Variants in HSPG2 observed in about 807,000 individuals in gnomAD.
HSPG2 encodes heparan sulfate proteoglycan 2, also known as basement membrane-specific heparan sulfate proteoglycan core protein.
Under a neutral mutation model 526.6 loss-of-function variants are expected in HSPG2, and 278 were observed. The observed-to-expected ratio is 0.53, with a 90% CI of 0.48 to 0.58. The LOEUF (loss-of-function observed/expected upper bound fraction) is 0.58, where lower values mean the gene tolerates loss of function less well. Among genes scored for constraint, HSPG2 ranks in the 20% least tolerant of loss-of-function variants. The pLI, the probability that HSPG2 is intolerant of heterozygous loss-of-function variation, is 0.00. For synonymous variants in HSPG2, 2,465 were observed against 2,555.4 expected (o/e 0.96, Z 1.07); for missense variants, 5,354 against 6,099.5 (o/e 0.88, Z 4.07).
intron 49 of HSPG2, 76 bp downstream of exon 49, chr1:21,854,535 G>T: frequency 6.7e-7 from 1 of 1,487,510 alleles, no homozygotes; most frequent in Non-Finnish European, 9.1e-7. Context: ...CGCCTCCCCC[G>T]CCCAGCGTAC....
chr1:21,827,937 G>T lies in HSPG2; in HGVS notation c.12533-18C>A, dbSNP rs1159647588. On this transcript the variant is annotated intron_variant, in intron 90 of 96. Coordinates refer to ENST00000374695, the MANE Select transcript of HSPG2 (RefSeq NM_005529.7). The stretch of plus-strand genomic sequence containing the variant: ...TCCAGAGCCTATGGAGAAGGGCAGG[G>T]TCCAGTTGGTGGGCATAGACACCCG... 7.5e-6 allele frequency: 12 copies of T among 1,606,464 alleles called. No homozygotes were observed. The highest frequency in any genetic ancestry group is 1.0e-5 in the Non-Finnish European group (12 of 1,176,876).
At chr1:21,932,284 C>T (rs893663864) in intron 1 of HSPG2, among the ~76,000 whole-genome samples, 1 of 152,186 alleles carries the variant, frequency 6.6e-6, no homozygotes, top group Admixed American at 6.5e-5. Flanking sequence ...TGGGGCAGTA[C>T]GTGGCGTGAT....
At chr1:21,885,487 C>G (rs767148030) in intron 9 of HSPG2, 36 bp from the exon 10 acceptor site, 1 of 1,612,608 alleles carries the variant, frequency 6.2e-7, no homozygotes, top group Non-Finnish European at 8.5e-7. Context: ...AATAGCCCAC[C>G]CCGTCCATCC....
At chr1:21,840,885 C>T (rs765568280) in intron 71 of HSPG2, among the ~76,000 whole-genome samples, 10 of 152,174 alleles carry the variant, frequency 6.6e-5, no homozygotes, top group Non-Finnish European at 1.5e-4. Context: ...CTTCGACCCA[C>T]CCTCCCACTC....
At chr1:21,863,229 C>T (rs1383933112) in intron 37 of HSPG2, among the ~76,000 whole-genome samples, 8 of 150,476 alleles carry the variant, frequency 5.3e-5, no homozygotes, top group Middle Eastern at 3.5e-3. Flanking sequence ...AAAAATTAGC[C>T]GGGTGTGGTA....
chr1:21,824,300 A>C lies in HSPG2; in HGVS notation c.12815+6T>G. 1 of 1,613,702 alleles carries C rather than the reference A, an allele frequency of 6.2e-7. No homozygotes were observed. The highest frequency in any genetic ancestry group is 8.5e-7 in the Non-Finnish European group (1 of 1,179,870). ...GGGAGAGGAAGGGCCAGGTGCCAGG[A>C]CCTACCTGAAGACAAGGTGCCCGTC... On this transcript the variant is annotated splice_donor_region_variant and intron_variant, in intron 94 of 96. Coordinates refer to ENST00000374695, the MANE Select transcript of HSPG2 (RefSeq NM_005529.7). The surrounding 1 kb of genome is among the most constrained non-coding windows in gnomAD (Gnocchi z 5.9).
chr1:21,840,064 G>A (rs776698820), intron 71 of HSPG2, 47 bp from the exon 72 acceptor site: 10 of 1,523,726 alleles, frequency 6.6e-6, no homozygotes, highest in South Asian at 5.6e-5. Flanking sequence ...CAGTGGGGAC[G>A]CTGATGTCAG....
intron 1 of HSPG2, among the ~76,000 whole-genome samples, chr1:21,901,141 G>A (rs1029689565): frequency 6.6e-6 from 1 of 152,008 alleles, no homozygotes; most frequent in Admixed American, 6.6e-5. Flanking sequence ...TGAGGCTTTC[G>A]GTCAAGAAAC....
chr1:21,839,715 A>G lies in HSPG2; in HGVS notation c.9709+107T>C. 2 of 1,414,772 alleles carry G rather than the reference A, an allele frequency of 1.4e-6. No homozygotes were observed. Among genetic ancestry groups the G allele is most frequent in the Non-Finnish European group, 2.0e-6 (2 of 1,024,190 alleles). The allele number at this position is 1,414,772 out of a possible 1,614,324, so 87.6% of individuals were successfully genotyped here. On this transcript the variant is annotated intron_variant, in intron 72 of 96. Coordinates refer to ENST00000374695, the MANE Select transcript of HSPG2 (RefSeq NM_005529.7). This position sits in a 1 kb window ranked among gnomAD's most constrained non-coding sequence, Gnocchi z 4.5. ...GATGCTAGCAACACGGTCTCCCCGT[A>G]CTCCCCACCCCTGGGCATGACATCA... is the stretch of plus-strand genomic sequence containing the variant.
rs768381665 is a variant in HSPG2 at position 21,839,360 on chromosome 1, T to A, written c.9889+11A>T. 1 of 1,610,118 alleles carries A rather than the reference T, an allele frequency of 6.2e-7. No individual in the cohort carries two copies. The highest frequency in any genetic ancestry group is 1.1e-5 in the South Asian group (1 of 91,070). ...CCATTTGGTGCAGACAAAGAAGGGA[T>A]GAGGCCTTACTCTCCACGTGCAGGA... On this transcript the variant is annotated intron_variant, in intron 73 of 96. Coordinates refer to ENST00000374695, the MANE Select transcript of HSPG2 (RefSeq NM_005529.7). The surrounding 1 kb of genome is among the most constrained non-coding windows in gnomAD (Gnocchi z 4.5).
In HSPG2 at chr1:21,916,273, G is replaced by A. The variant is rs912758587; in HGVS notation, c.64-19963C>T. 2.6e-5 allele frequency among the ~76,000 whole-genome samples: 4 copies of A among 152,058 alleles called. No homozygotes were observed. In the South Asian group the frequency reaches 6.2e-4, roughly 24 times the overall value. ...TCCCAGCACTTTGGGAGACCGAGGC[G>A]GGTGGATCATGAGGTCAGGAGATCG... On this transcript the variant is annotated intron_variant, in intron 1 of 96. Coordinates refer to ENST00000374695, the MANE Select transcript of HSPG2 (RefSeq NM_005529.7).
chr1:21,859,173 C>T lies in HSPG2; in HGVS notation c.5293+393G>A, dbSNP rs138311108. ...AGCAATTCTCCTGCCTCAGTTCTCC[C>T]GAGTAGCTGGGATTATAGGTGTGTA... On this transcript the variant is annotated intron_variant, in intron 42 of 96. Transcript: ENST00000374695. The surrounding 1 kb of genome is among the most constrained non-coding windows in gnomAD (Gnocchi z 5.3). Among the ~76,000 whole-genome samples, 1,043 of 152,152 alleles carry T rather than the reference C, an allele frequency of 6.9e-3. 9 individuals carry two copies. Among genetic ancestry groups the T allele is most frequent in the South Asian group, 0.013 (65 of 4,816 alleles).
rs928581024 is a variant in HSPG2, at chr1:21,893,682, G to A, written c.244+2240C>T. ...CCTGAGCCTGCAGAGTAGAGACAGA[G>A]AAGGAGGCAAGAAGGGACATTGACA... On this transcript the variant is annotated intron_variant, in intron 3 of 96. Transcript: ENST00000374695. This position sits in a 1 kb window ranked among gnomAD's most constrained non-coding sequence, Gnocchi z 4.3. 4.6e-5 allele frequency among the ~76,000 whole-genome samples: 7 copies of A among 152,104 alleles called. No homozygotes were observed. The highest frequency in any genetic ancestry group is 1.7e-4 in the African/African-American group (7 of 41,420).
rs571364886 is a variant in HSPG2, at chr1:21,825,274, G to T, written c.12590-495C>A. ...GCATAATTGCTTTCCTTAAATCAAT[G>T]TATTTTATTTTATTTTATTTTGTGT... is the stretch of plus-strand genomic sequence containing the variant. On this transcript the variant is annotated intron_variant, in intron 91 of 96. Coordinates refer to ENST00000374695, the MANE Select transcript of HSPG2 (RefSeq NM_005529.7). 21 of 180,652 alleles carry T rather than the reference G, an allele frequency of 1.2e-4. No individual in the cohort carries two copies. The South Asian group carries it at 2.4e-3, about 20-fold the overall frequency. The allele number at this position is 180,652 out of a possible 1,614,324, so 11.2% of individuals were successfully genotyped here.
rs1640156283 is a variant in HSPG2 at position 21,865,507 on chromosome 1, G to A, written c.4315-142C>T. ...AAGCTCATGCGCCCAAAGGAGTCAG[G>A]CACATGCCCACTGCCCCCTTCTCCC... On this transcript the variant is annotated intron_variant, in intron 34 of 96. Transcript: ENST00000374695. This position sits in a 1 kb window ranked among gnomAD's most constrained non-coding sequence, Gnocchi z 5.4. The A allele has an allele frequency of 1.1e-6, 1 of 898,824 alleles. No homozygotes were observed. The allele number at this position is 898,824 out of a possible 1,614,324, so 55.7% of individuals were successfully genotyped here. A position where few individuals can be genotyped will look rare whatever the true frequency, so the allele number is the denominator to read the frequency against.
At chr1:21,831,117 C>T in intron 84 of HSPG2, 27 bp from the exon 85 acceptor site, 1 of 1,608,818 alleles carries the variant, frequency 6.2e-7, no homozygotes, top group Non-Finnish European at 8.5e-7. Context: ...AGAAGTAAGG[C>T]CGAGAACATT....
At chr1:21,880,928 A>C in intron 14 of HSPG2, 93 bp from the exon 15 acceptor site, 1 of 1,263,854 alleles carries the variant, frequency 7.9e-7, no homozygotes, top group Non-Finnish European at 1.1e-6. Context: ...CTCCTCCCTC[A>C]CTCTGCCTAC....
chr1:21,881,115 G>A (rs1641468829), intron 14 of HSPG2, among the ~76,000 whole-genome samples: 1 of 152,216 alleles, frequency 6.6e-6, no homozygotes, highest in Non-Finnish European at 1.5e-5. Context: ...TGGGGGAGTG[G>A]TCAGGGAGGG....
Position 21,850,355 on chromosome 1 carries a change from C to A in HSPG2, c.7294+8G>T, listed in dbSNP as rs1638795527. The A allele has an allele frequency of 6.2e-7, 1 of 1,605,188 alleles. No individual in the cohort carries two copies. Among genetic ancestry groups the A allele is most frequent in the African/African-American group, 1.3e-5 (1 of 74,752 alleles). On this transcript the variant is annotated splice_region_variant and intron_variant, in intron 56 of 96. Transcript: ENST00000374695. ...TCCCCAGCCCTGCCCTCCCTGAGAG[C>A]TACTCACCAGGCACTGAGCCCGCAG...
Sources: gnomAD v4.1 joint callset for allele counts (sites outside exome capture counted in the v4.1 genomes callset) on GRCh38, gnomAD v4.1.1 for gene constraint, Gnocchi (gnomAD v3.1) non-coding constraint, MANE v1.5 for transcripts, NCBI Gene and HGNC (gene_info 2026-07-23, HGNC 2026-07-21) for gene names.